The following TAFA2 variants were observed in gnomAD, a reference collection of about 807,000 sequenced individuals.
The protein encoded by TAFA2 is chemokine-like protein TAFA-2.
TAFA2 carries 7 observed loss-of-function variants against 18.8 expected under a neutral mutation model. The observed-to-expected ratio is 0.37, with a 90% CI of 0.21 to 0.70. The LOEUF is 0.70. Ranked by LOEUF, TAFA2 falls within the 30% of genes least tolerant of loss-of-function variation. TAFA2 has a pLI of 0.53. For missense variants in TAFA2, 122 were observed against 158.1 expected (o/e 0.77, Z 1.23); for synonymous variants, 60 against 54.2 (o/e 1.11, Z -0.47).
At chr12:62,254,213 C>T (rs1216491936) in intron 1 of TAFA2, among the ~76,000 whole-genome samples, 1 of 152,030 alleles carries the variant, frequency 6.6e-6, no homozygotes, top group Non-Finnish European at 1.5e-5. Flanking sequence ...CTAAGGGAGG[C>T]AAATATTTTA....
Position 62,115,199 on chromosome 12 carries a change from AG to A in TAFA2, c.-2+76059del, listed in dbSNP as rs999729364. 2.6e-5 allele frequency among the ~76,000 whole-genome samples: 4 copies of A among 152,164 alleles called. 1 individual carries two copies. Among genetic ancestry groups the A allele is most frequent in the Admixed American group, 2.0e-4 (3 of 15,272 alleles). On this transcript the variant is annotated intron_variant, in intron 1 of 4. Coordinates refer to ENST00000416284, the MANE Select transcript of TAFA2 (RefSeq NM_178539.5). ...CTACTAAGATCATCCTGACCAGAAC[AG>A]GTCAGTTATCAAACTGAAAACACCA... is the stretch of plus-strand genomic sequence containing the variant.
At chr12:61,876,424 T>C (rs1026936920) in intron 1 of TAFA2, among the ~76,000 whole-genome samples, 2 of 152,142 alleles carry the variant, frequency 1.3e-5, no homozygotes, top group African/African-American at 4.8e-5. Flanking sequence ...CCTACATATA[T>C]GAAGGATTCT....
At chr12:62,206,274 A>G (rs1677391087) in intron 1 of TAFA2, among the ~76,000 whole-genome samples, 1 of 152,220 alleles carries the variant, frequency 6.6e-6, no homozygotes, top group Non-Finnish European at 1.5e-5. Flanking sequence ...TCTGTCTTGG[A>G]TAAGTACAAG....
chr12:62,216,950 C>G (rs554761263), intron 1 of TAFA2, among the ~76,000 whole-genome samples: 1 of 152,250 alleles, frequency 6.6e-6, no homozygotes, highest in African/African-American at 2.4e-5. Context: ...TATAAGGGTT[C>G]AGGGAAATGC....
At chr12:61,716,350 T>G (rs1869658955) in intron 4 of TAFA2, among the ~76,000 whole-genome samples, 2 of 152,124 alleles carry the variant, frequency 1.3e-5, no homozygotes, top group Admixed American at 1.3e-4. Flanking sequence ...GCACTTCAGT[T>G]TATCTACACT....
intron 1 of TAFA2, among the ~76,000 whole-genome samples, chr12:61,955,194 G>C (rs994896816): frequency 1.3e-5 from 2 of 152,024 alleles, no homozygotes; most frequent in African/African-American, 4.8e-5. Context: ...TTTAGAGATG[G>C]TGTTAACATA....
intron 2 of TAFA2, among the ~76,000 whole-genome samples, chr12:61,785,744 T>C (rs1870711946): frequency 1.3e-5 from 2 of 151,564 alleles, no homozygotes; most frequent in South Asian, 2.1e-4. Context: ...TAATGTCTTA[T>C]ATATATGACC....
intron 4 of TAFA2, among the ~76,000 whole-genome samples, chr12:61,749,031 C>T (rs142155225): frequency 0.031 from 4,738 of 151,320 alleles, 238 homozygotes; most frequent in African/African-American, 0.11. Flanking sequence ...TTTGGGAGTC[C>T]AAGGTGGGCG....
chr12:62,009,271 T>G (rs1880653533), intron 1 of TAFA2, among the ~76,000 whole-genome samples: 1 of 152,224 alleles, frequency 6.6e-6, no homozygotes, highest in South Asian at 2.1e-4. Context: ...ATTTATAAAA[T>G]CATCATGTTC....
At chr12:62,181,113 A>T (rs2062548783) in intron 1 of TAFA2, among the ~76,000 whole-genome samples, 1 of 152,178 alleles carries the variant, frequency 6.6e-6, no homozygotes, top group South Asian at 2.1e-4. Flanking sequence ...TGTATTTGTT[A>T]ATTCGGGTGT....
intron 1 of TAFA2, among the ~76,000 whole-genome samples, chr12:62,042,428 T>TGTGTGTGTGTGC (rs1411586257): frequency 6.7e-5 from 5 of 74,430 alleles, no homozygotes; most frequent in Admixed American, 2.9e-4. Context: ...TGTGTGTGTG[T>TGTGTGTGTGTGC]GCGCGTGTGT....
intron 1 of TAFA2, among the ~76,000 whole-genome samples, chr12:61,884,410 T>G (rs1875279297): frequency 6.6e-6 from 1 of 152,160 alleles, no homozygotes; most frequent in South Asian, 2.1e-4. Flanking sequence ...GTAATATATT[T>G]GACAGTAGCT....
intron 1 of TAFA2, among the ~76,000 whole-genome samples, chr12:61,953,294 A>T (rs1306487874): frequency 6.6e-6 from 1 of 152,146 alleles, no homozygotes; most frequent in East Asian, 1.9e-4. Context: ...TAAGGTGGTT[A>T]TTTTGTTTGG....
rs531135860 is a variant in TAFA2, at chr12:62,032,068, T to G, written c.-2+159191A>C. Among the ~76,000 whole-genome samples the G allele has an allele frequency of 3.0e-4, 46 of 152,286 alleles. 1 individual carries two copies. In the South Asian group the frequency reaches 9.1e-3, roughly 30 times the overall value. ...ACTTAAATAACATTGAAAATTTGGC[T>G]GAAAAGTGCACTTAAAAAGCAGTTA... On this transcript the variant is annotated intron_variant, in intron 1 of 4. Coordinates refer to ENST00000416284, the MANE Select transcript of TAFA2 (RefSeq NM_178539.5).
intron 1 of TAFA2, among the ~76,000 whole-genome samples, chr12:62,121,480 C>T (rs1326413172): frequency 6.6e-6 from 1 of 152,112 alleles, no homozygotes; most frequent in African/African-American, 2.4e-5. Context: ...CCCATGAATG[C>T]TGTCAGAAAT....
intron 2 of TAFA2, among the ~76,000 whole-genome samples, chr12:61,850,995 A>G (rs1228815257): frequency 6.6e-6 from 1 of 152,222 alleles, no homozygotes; most frequent in Non-Finnish European, 1.5e-5. Context: ...ATTTTGAAAT[A>G]TGAAATCTAA....
intron 1 of TAFA2, among the ~76,000 whole-genome samples, chr12:62,130,697 C>T (rs1252701923): frequency 1.3e-5 from 2 of 151,912 alleles, no homozygotes; most frequent in Non-Finnish European, 2.9e-5. Flanking sequence ...ATATTACATG[C>T]TCCACATAAT....
chr12:61,898,741 C>T (rs1392963225), intron 1 of TAFA2, among the ~76,000 whole-genome samples: 3 of 152,180 alleles, frequency 2.0e-5, no homozygotes, highest in South Asian at 2.1e-4. Context: ...CTCTGACATG[C>T]CCTGGAGTCA....
intron 2 of TAFA2, among the ~76,000 whole-genome samples, chr12:61,855,358 C>A (rs1424611796): frequency 6.6e-6 from 1 of 152,118 alleles, no homozygotes; most frequent in East Asian, 1.9e-4. Context: ...ACATCTACAA[C>A]CTGTACTAGG....
Sources: gnomAD v4.1 joint callset for allele counts (sites outside exome capture counted in the v4.1 genomes callset) on GRCh38, gnomAD v4.1.1 for gene constraint, MANE v1.5 for transcripts, NCBI Gene and HGNC (gene_info 2026-07-23, HGNC 2026-07-21) for gene names.